CDH13: variants seen among roughly 807,000 people sequenced by gnomAD.
The protein encoded by CDH13 is cadherin 13.
CDH13 carries 24 observed loss-of-function variants against 63.8 expected under a neutral mutation model. The observed-to-expected ratio is 0.38, with a 90% CI of 0.27 to 0.53. The LOEUF is 0.53. Ranked by LOEUF, CDH13 falls within the 20% of genes least tolerant of loss-of-function variation. The probability of loss-of-function intolerance (pLI) is 0.85; values close to 1 mark genes in which losing one functional copy is unlikely to be tolerated. For synonymous variants in CDH13, 503 were observed against 355.3 expected (o/e 1.42, Z -4.67); for missense variants, 1,049 against 903.1 (o/e 1.16, Z -2.07).
chr16:82,688,503 T>C (rs2150971709), intron 1 of CDH13, among the ~76,000 whole-genome samples: 1 of 152,344 alleles, frequency 6.6e-6, no homozygotes, highest in South Asian at 2.1e-4. Context: ...GAATTCATGT[T>C]CTCTGGTTGC....
At chr16:82,797,451 A>G (rs991617512) in intron 1 of CDH13, among the ~76,000 whole-genome samples, 2 of 152,158 alleles carry the variant, frequency 1.3e-5, no homozygotes, top group Admixed American at 1.3e-4. Context: ...TTGCTAATTC[A>G]TCACTGCCTT....
At chr16:82,773,019 C>T (rs987299149) in intron 1 of CDH13, among the ~76,000 whole-genome samples, 1 of 152,190 alleles carries the variant, frequency 6.6e-6, no homozygotes, top group Non-Finnish European at 1.5e-5. Flanking sequence ...AGCCCAGAAT[C>T]AGTAGCTGGG....
At chr16:83,032,657 C>G (rs1916476103) in intron 3 of CDH13, among the ~76,000 whole-genome samples, 1 of 152,090 alleles carries the variant, frequency 6.6e-6, no homozygotes, top group Admixed American at 6.6e-5. Context: ...CTAGCAAAAC[C>G]TTGGAATTCA....
intron 5 of CDH13, among the ~76,000 whole-genome samples, chr16:83,303,668 C>G (rs1322123607): frequency 6.6e-6 from 1 of 152,104 alleles, no homozygotes; most frequent in African/African-American, 2.4e-5. Flanking sequence ...ACAGCCTTAT[C>G]CTGTGCTTTG....
chr16:83,065,286 A>G (rs2031911980), intron 3 of CDH13, among the ~76,000 whole-genome samples: 1 of 152,220 alleles, frequency 6.6e-6, no homozygotes, highest in Non-Finnish European at 1.5e-5. Context: ...ACAGTGTAGT[A>G]TTGCACAGGT....
intron 3 of CDH13, among the ~76,000 whole-genome samples, chr16:83,078,338 G>C (rs1324846865): frequency 1.3e-5 from 2 of 152,164 alleles, no homozygotes; most frequent in South Asian, 2.1e-4. Flanking sequence ...CCACATATTG[G>C]GGACGGGGAT....
At chr16:82,717,228 C>A (rs546962351) in intron 1 of CDH13, among the ~76,000 whole-genome samples, 9 of 151,810 alleles carry the variant, frequency 5.9e-5, no homozygotes, top group Admixed American at 4.6e-4. Context: ...AAGAGGATGC[C>A]AAATCACATA....
intron 11 of CDH13, among the ~76,000 whole-genome samples, chr16:83,771,411 G>T (rs1039752297): frequency 6.6e-6 from 1 of 152,186 alleles, no homozygotes. Flanking sequence ...TCCTATCGTG[G>T]TCATATAATG....
At chr16:83,683,885 C>G (rs1401305177) in intron 10 of CDH13, among the ~76,000 whole-genome samples, 2 of 152,174 alleles carry the variant, frequency 1.3e-5, no homozygotes, top group African/African-American at 4.8e-5. Flanking sequence ...TTCTCCTCTC[C>G]AAGATCATGT....
chr16:83,236,397 A>G (rs1247202707), intron 5 of CDH13, among the ~76,000 whole-genome samples: 2 of 152,336 alleles, frequency 1.3e-5, no homozygotes, highest in African/African-American at 4.8e-5. Context: ...TTAAGCCAAC[A>G]TATTACACAC....
chr16:83,493,475 C>T (rs907337871), intron 7 of CDH13, among the ~76,000 whole-genome samples: 13 of 152,176 alleles, frequency 8.5e-5, no homozygotes, highest in East Asian at 1.9e-4. Context: ...GCAGATATGT[C>T]GACAGCACAC....
intron 1 of CDH13, among the ~76,000 whole-genome samples, chr16:82,725,242 T>G (rs970297995): frequency 3.3e-5 from 5 of 152,292 alleles, no homozygotes; most frequent in South Asian, 4.1e-4. Flanking sequence ...AACGTACATA[T>G]GTCTCTTTCC....
At chr16:83,354,476 T>G (rs1478561102) in intron 6 of CDH13, among the ~76,000 whole-genome samples, 3 of 152,216 alleles carry the variant, frequency 2.0e-5, no homozygotes, top group Non-Finnish European at 4.4e-5. Flanking sequence ...AGAACTCTAT[T>G]CTTAAGACAT....
chr16:82,949,529 G>T (rs539798900), intron 2 of CDH13, among the ~76,000 whole-genome samples: 38 of 152,280 alleles, frequency 2.5e-4, no homozygotes, highest in African/African-American at 9.1e-4. Context: ...GGGATCTCCT[G>T]ACAGTTCTTA....
chr16:83,161,350 A>G (rs1426930707), intron 4 of CDH13, among the ~76,000 whole-genome samples: 1 of 148,838 alleles, frequency 6.7e-6, no homozygotes, highest in Non-Finnish European at 1.5e-5. Flanking sequence ...TAAAGAAATC[A>G]TCAAATAAAT....
At chr16:82,806,699 C>G (rs1339214856) in intron 1 of CDH13, among the ~76,000 whole-genome samples, 2 of 152,090 alleles carry the variant, frequency 1.3e-5, no homozygotes, top group Non-Finnish European at 2.9e-5. Flanking sequence ...TTTCCAAGCT[C>G]TGCAGGGCAG....
chr16:82,999,554 AT>A (rs1421923191), intron 2 of CDH13, among the ~76,000 whole-genome samples: 1 of 152,082 alleles, frequency 6.6e-6, no homozygotes, highest in Admixed American at 6.5e-5. Flanking sequence ...TCAGAGGTGA[AT>A]TTTTTCTTAT....
intron 2 of CDH13, among the ~76,000 whole-genome samples, chr16:83,010,728 T>C (rs1914065404): frequency 6.6e-6 from 1 of 152,184 alleles, no homozygotes; most frequent in Non-Finnish European, 1.5e-5. Flanking sequence ...TACTTATTTT[T>C]TCTAAAAAAG....
At chr16:83,552,408 G>A (rs1156231589) in intron 7 of CDH13, among the ~76,000 whole-genome samples, 1 of 152,208 alleles carries the variant, frequency 6.6e-6, no homozygotes, top group East Asian at 1.9e-4. Context: ...TTCCAGTGGA[G>A]GATGCACCAA....
Sources: allele counts gnomAD v4.1 joint callset (sites outside exome capture counted in the v4.1 genomes callset), GRCh38; gene constraint gnomAD v4.1.1; transcripts MANE v1.5; gene names NCBI Gene and HGNC (gene_info 2026-07-23, HGNC 2026-07-21).